The following JAK1 variants were observed in gnomAD, a reference collection of about 807,000 sequenced individuals.
JAK1 encodes the protein tyrosine-protein kinase JAK1.
JAK1 carries 16 observed loss-of-function variants against 136.6 expected under a neutral mutation model. That is an observed-to-expected ratio of 0.12 (90% confidence interval 0.08 to 0.18). JAK1 has a LOEUF of 0.18. Ranked by LOEUF, JAK1 falls within the 10% of genes least tolerant of loss-of-function variation. The pLI is 1.00. For missense variants in JAK1, 859 were observed against 1,450.1 expected (o/e 0.59, Z 6.62); for synonymous variants, 492 against 519.5 (o/e 0.95, Z 0.72).
intron 12 of JAK1, among the ~76,000 whole-genome samples, chr1:64,849,915 G>A (rs1326496775): frequency 1.3e-5 from 2 of 152,188 alleles, no homozygotes; most frequent in Admixed American, 6.5e-5. Flanking sequence ...CACGAGGGAA[G>A]TGAGGCAGTT....
chr1:64,965,919 C>A (rs921091796), intron 1 of JAK1, among the ~76,000 whole-genome samples: 4 of 152,174 alleles, frequency 2.6e-5, no homozygotes, highest in African/African-American at 4.8e-5. Context: ...GCCACCCCGG[C>A]CGGGAGCTGG....
intron 1 of JAK1, among the ~76,000 whole-genome samples, chr1:64,936,053 C>T (rs1179066900): frequency 6.6e-6 from 1 of 152,214 alleles, no homozygotes; most frequent in East Asian, 1.9e-4. Flanking sequence ...TCTAGCCTTA[C>T]TCCAGTGTCA....
upstream of JAK1, among the ~76,000 whole-genome samples, chr1:64,970,230 A>C (rs1333274466): frequency 6.7e-6 from 1 of 149,442 alleles, no homozygotes; most frequent in Non-Finnish European, 1.5e-5. Context: ...GCTTGAGGCC[A>C]GGAGTTCAAA....
chr1:64,840,301 C>T (rs1002481446), intron 19 of JAK1, among the ~76,000 whole-genome samples: 4 of 152,112 alleles, frequency 2.6e-5, no homozygotes, highest in African/African-American at 4.8e-5. Context: ...GCCTCGGGGA[C>T]GGTGGGGGGA....
At chr1:65,052,180 A>T (rs936770532) in intron 1 of JAK1, among the ~76,000 whole-genome samples, 3 of 136,650 alleles carry the variant, frequency 2.2e-5, no homozygotes, top group Non-Finnish European at 3.0e-5. Context: ...GCTGGTCTTG[A>T]CCACTTTGGT....
rs376498650 is a variant in JAK1, at chr1:64,996,321, C to T, written c.-78+48159G>A. Reference sequence around the variant, plus strand: ...AGCCAATGACTTTCTAGTTGCTCTTCTTTAAATCTCTTGACACTTCAATCC... The same window carrying T: ...AGCCAATGACTTTCTAGTTGCTCTTTTTTAAATCTCTTGACACTTCAATCC... On this transcript the variant is annotated intron_variant, in intron 2 of 25. Transcript: ENST00000671954. Among the ~76,000 whole-genome samples the T allele has an allele frequency of 1.9e-4, 29 of 152,290 alleles. 5 individuals are homozygous for T. Among genetic ancestry groups the T allele is most frequent in the Admixed American group, 3.3e-4 (5 of 15,292 alleles).
At chr1:64,896,118 A>T (rs1645010519) in intron 1 of JAK1, among the ~76,000 whole-genome samples, 1 of 152,258 alleles carries the variant, frequency 6.6e-6, no homozygotes, top group Non-Finnish European at 1.5e-5. Context: ...AACGGTGATC[A>T]GATGCAGTTA....
chr1:65,049,938 C>T (rs1416230453), intron 1 of JAK1, among the ~76,000 whole-genome samples: 2 of 152,148 alleles, frequency 1.3e-5, no homozygotes, highest in East Asian at 3.9e-4. Flanking sequence ...TGACATCTCC[C>T]CCTCCTCCAG....
At chr1:64,857,460 A>C (rs547858515) in intron 10 of JAK1, among the ~76,000 whole-genome samples, 196 bp downstream of exon 10, 2 of 152,310 alleles carry the variant, frequency 1.3e-5, no homozygotes, top group Non-Finnish European at 2.9e-5. Context: ...GGGAGGATGC[A>C]GGGGTCTGGC....
chr1:64,860,918 T>A (rs1656280595), intron 8 of JAK1, among the ~76,000 whole-genome samples: 1 of 119,548 alleles, frequency 8.4e-6, no homozygotes, highest in Non-Finnish European at 1.8e-5. Flanking sequence ...AGAGAAGCTG[T>A]CCCCTGGGTC....
intron 1 of JAK1, among the ~76,000 whole-genome samples, chr1:64,909,252 G>A (rs933626993): frequency 6.6e-5 from 10 of 152,312 alleles, no homozygotes; most frequent in Admixed American, 5.2e-4. Context: ...GCTCACAAGA[G>A]CTGCTGACAG....
intron 1 of JAK1, among the ~76,000 whole-genome samples, chr1:64,894,700 C>T (rs1256909317): frequency 6.6e-6 from 1 of 152,112 alleles, no homozygotes; most frequent in Non-Finnish European, 1.5e-5. Flanking sequence ...TCGCTTGAAC[C>T]CGGGAGGCAG....
At chr1:64,897,660 G>A (rs1044498403) in intron 1 of JAK1, among the ~76,000 whole-genome samples, 2 of 151,218 alleles carry the variant, frequency 1.3e-5, no homozygotes, top group Non-Finnish European at 2.9e-5. Flanking sequence ...GATGAGGTAA[G>A]GAGGAAAACT....
chr1:64,885,685 C>G (rs778931264), intron 2 of JAK1, among the ~76,000 whole-genome samples: 1 of 148,346 alleles, frequency 6.7e-6, no homozygotes, highest in Non-Finnish European at 1.5e-5. Flanking sequence ...CCTGGGAAAG[C>G]GGAGGTTGCC....
chr1:65,011,259 T>C (rs1646846478), intron 2 of JAK1, among the ~76,000 whole-genome samples: 1 of 152,092 alleles, frequency 6.6e-6, no homozygotes, highest in Admixed American at 6.6e-5. Flanking sequence ...GAGGACTGCT[T>C]GAGCTCAGGA....
At chr1:65,027,076 T>C (rs1646984728) in intron 2 of JAK1, among the ~76,000 whole-genome samples, 1 of 151,844 alleles carries the variant, frequency 6.6e-6, no homozygotes, top group Non-Finnish European at 1.5e-5. Flanking sequence ...AGATGGAGTA[T>C]CACTCTGTTG....
intron 1 of JAK1, among the ~76,000 whole-genome samples, chr1:64,897,833 T>C (rs1370109789): frequency 6.6e-6 from 1 of 151,912 alleles, no homozygotes; most frequent in Non-Finnish European, 1.5e-5. Context: ...ACATAGGAAA[T>C]GATGGGAAAG....
intron 1 of JAK1, among the ~76,000 whole-genome samples, chr1:64,898,272 G>A (rs374130811): frequency 1.3e-5 from 2 of 152,158 alleles, no homozygotes; most frequent in Admixed American, 6.5e-5. Flanking sequence ...TAGCACAGTC[G>A]GAGGGACCAG....
Position 64,833,900 on chromosome 1 carries a change from G to A in JAK1, c.*662C>T, listed in dbSNP as rs1022591766. On this transcript the variant is annotated 3_prime_UTR_variant, in exon 25 of 25. Coordinates refer to ENST00000342505, the MANE Select transcript of JAK1 (RefSeq NM_002227.4). ...CATGCAGCAAATTATCTATTCCACA[G>A]CTATCCCCCCATGTAGAACCAGCTT... The A allele has an allele frequency of 1.0e-4, 24 of 232,656 alleles. No homozygotes were observed. Among genetic ancestry groups the A allele is most frequent in the Non-Finnish European group, 1.7e-4 (20 of 117,764 alleles). 14.4% of individuals were successfully genotyped at this position (232,656 alleles called of 1,614,324 possible). A position where few individuals can be genotyped will look rare whatever the true frequency, so the allele number is the denominator to read the frequency against.
Sources: allele counts gnomAD v4.1 joint callset (sites outside exome capture counted in the v4.1 genomes callset), GRCh38; gene constraint gnomAD v4.1.1; transcripts MANE v1.5; gene names NCBI Gene and HGNC (gene_info 2026-07-23, HGNC 2026-07-21).